Variants in UBAP2 observed in about 807,000 individuals in gnomAD.
The protein encoded by UBAP2 is ubiquitin-associated protein 2.
Under a neutral mutation model 139.6 loss-of-function variants are expected in UBAP2, and 75 were observed. The observed-to-expected ratio is 0.54, with a 90% confidence interval of 0.45 to 0.65. The LOEUF (loss-of-function observed/expected upper bound fraction) is 0.65, where lower values mean the gene tolerates loss of function less well. Ranked by LOEUF, UBAP2 falls within the 30% of genes least tolerant of loss-of-function variation. The pLI, the probability that UBAP2 is intolerant of heterozygous loss-of-function variation, is 0.00. For synonymous variants in UBAP2, 526 were observed against 526.2 expected, an observed-to-expected ratio of 1.00 and a Z score of 0.01; for missense variants, 1,368 against 1,369.6, an observed-to-expected ratio of 1.00 and a Z score of 0.02.
Position 33,923,243 on chromosome 9 carries a change from C to CA in UBAP2, c.2946dup (p.Gly983TrpfsTer32). 1 of 1,614,212 alleles carries CA rather than the reference C, an allele frequency of 6.2e-7. No homozygotes were observed. Among genetic ancestry groups the CA allele is most frequent in the Non-Finnish European group, 8.5e-7 (1 of 1,180,038 alleles). ...GGTGCCTGCGATGATCCAGCATAGC[C>CA]ACCTTTGGAGTAGTCTCCTGCTGCT... On this transcript the variant is annotated frameshift_variant, in exon 26 of 29. Transcript: ENST00000379238. LOFTEE classifies it high-confidence loss of function.
rs144897960 is a variant in UBAP2, at chr9:33,972,519, G to T, written c.575+664C>A. Among the ~76,000 whole-genome samples, 213 of 152,306 alleles carry T rather than the reference G, an allele frequency of 1.4e-3. 2 individuals carry two copies. Among genetic ancestry groups the T allele is most frequent in the South Asian group, 0.013 (61 of 4,826 alleles). On this transcript the variant is annotated intron_variant, in intron 7 of 28. Coordinates refer to ENST00000379238, the MANE Select transcript of UBAP2 (RefSeq NM_001370062.2). ...ACACCAAGAGTGCTGCCTGAAGTTA[G>T]AGAGAGACAAAGGGCTTTTCTTGGA...
intron 3 of UBAP2, chr9:33,997,146 T>C (rs1478016994): frequency 6.6e-6 from 1 of 152,194 alleles, no homozygotes; most frequent in Admixed American, 6.5e-5. Flanking sequence ...CTCCTAGACA[T>C]ATTTTCTCAA....
chr9:34,033,642 A>C (rs754847455), intron 1 of UBAP2, among the ~76,000 whole-genome samples: 1 of 151,872 alleles, frequency 6.6e-6, no homozygotes, highest in Non-Finnish European at 1.5e-5. Context: ...CAGTGGTGCA[A>C]TCTCGGTTCC....
intron 1 of UBAP2, among the ~76,000 whole-genome samples, chr9:34,022,618 T>C (rs1825060109): frequency 6.6e-6 from 1 of 151,702 alleles, no homozygotes; most frequent in Admixed American, 6.6e-5. Flanking sequence ...TTTGTATTTT[T>C]AGTAGAGATG....
In UBAP2 at chr9:33,943,400, C is replaced by T. The variant is rs1481373705; in HGVS notation, c.1715+20G>A. The stretch of plus-strand genomic sequence containing the variant: ...TCTTAGGGTCTATTTTGCTTCATAA[C>T]AAAGGACTAAATTCAGTACCTTAAA... On this transcript the variant is annotated intron_variant, in intron 15 of 28. Coordinates refer to ENST00000379238, the MANE Select transcript of UBAP2 (RefSeq NM_001370062.2). The T allele has an allele frequency of 2.5e-6, 4 of 1,612,272 alleles. No homozygotes were observed. Among genetic ancestry groups the T allele is most frequent in the Non-Finnish European group, 3.4e-6 (4 of 1,179,022 alleles).
At chr9:33,963,661 G>A in intron 9 of UBAP2, 65 bp downstream of exon 9, 1 of 956,192 alleles carries the variant, frequency 1.0e-6, no homozygotes, top group Non-Finnish European at 1.6e-6. Flanking sequence ...GATAAAAAAT[G>A]AAAGATATTG....
intron 1 of UBAP2, among the ~76,000 whole-genome samples, chr9:34,037,038 G>A (rs1366540198): frequency 6.9e-6 from 1 of 145,670 alleles, no homozygotes; most frequent in Non-Finnish European, 1.5e-5. Flanking sequence ...ACCCGGGCTG[G>A]AGTGCAGTGG....
intron 19 of UBAP2, among the ~76,000 whole-genome samples, chr9:33,930,154 AT>A (rs879709684): frequency 8.5e-5 from 13 of 152,362 alleles, no homozygotes; most frequent in Admixed American, 1.3e-4. Flanking sequence ...TATTAAGGAA[AT>A]ACAAATGTTT....
At position 33,923,280 on chromosome 9, in the gene UBAP2, C is replaced by T; in HGVS notation, c.2910G>A (p.Leu970=). 1.9e-6 allele frequency: 3 copies of T among 1,614,192 alleles called. No individual in the cohort carries two copies. The highest frequency in any genetic ancestry group is 1.6e-4 in the Middle Eastern group (1 of 6,062). The change falls in exon 26 of 29, where the codon CTG becomes CTA. Residue 970 remains leucine (L), a synonymous_variant. Transcript: ENST00000379238. The part of the protein sequence containing the change: ...QHGYSTGYDD[L]TQGTAAGDYS... ...AGTCTCCTGCTGCTGTCCCCTGGGT[C>T]AGGTCGTCATAACCTAGCGTGGCAG...
chr9:34,022,436 T>C (rs1235197487), intron 1 of UBAP2, among the ~76,000 whole-genome samples: 1 of 127,732 alleles, frequency 7.8e-6, no homozygotes, highest in African/African-American at 2.6e-5. Context: ...AAGACCCCTT[T>C]TTTTTTTTTT....
At chr9:33,996,100 T>G (rs543411844) in intron 4 of UBAP2, 123 bp downstream of exon 4, 18 of 679,050 alleles carry the variant, frequency 2.7e-5, no homozygotes, top group South Asian at 6.1e-5. Context: ...TTCTGGAACT[T>G]AAAACAAATA....
chr9:34,029,819 C>G (rs1825732979), intron 1 of UBAP2, among the ~76,000 whole-genome samples: 1 of 150,916 alleles, frequency 6.6e-6, no homozygotes, highest in Non-Finnish European at 1.5e-5. Context: ...GAAAACCCAT[C>G]TCTACTAAAA....
chr9:34,047,594 A>T (rs984662979), intron 1 of UBAP2, among the ~76,000 whole-genome samples: 3 of 152,256 alleles, frequency 2.0e-5, no homozygotes, highest in Non-Finnish European at 4.4e-5. Flanking sequence ...GTGCTGTCAC[A>T]ACGGAAGAGG....
At chr9:33,954,269 T>TATACACACACAC (rs370755129) in intron 11 of UBAP2, among the ~76,000 whole-genome samples, 13 of 139,810 alleles carry the variant, frequency 9.3e-5, no homozygotes, top group African/African-American at 3.2e-4. Flanking sequence ...TGTGTGTATA[T>TATACACACACAC]ACACACACAC....
intron 11 of UBAP2, among the ~76,000 whole-genome samples, chr9:33,954,388 C>A (rs546083557): frequency 3.0e-4 from 46 of 151,652 alleles, no homozygotes; most frequent in African/African-American, 1.0e-3. Context: ...CTTAAAACAC[C>A]CCCCAGACAG....
At chr9:34,044,895 T>C (rs1276721621) in intron 1 of UBAP2, among the ~76,000 whole-genome samples, 1 of 151,934 alleles carries the variant, frequency 6.6e-6, no homozygotes, top group Non-Finnish European at 1.5e-5. Flanking sequence ...ATGAAGAGTA[T>C]TACCTAGTCT....
intron 2 of UBAP2, among the ~76,000 whole-genome samples, chr9:34,015,866 CA>C (rs1425243604): frequency 2.0e-5 from 3 of 151,882 alleles, no homozygotes; most frequent in African/African-American, 7.3e-5. Flanking sequence ...ACAAGGTCCT[CA>C]CTATGTTGCC....
At chr9:33,999,598 T>C (rs1019314968) in intron 2 of UBAP2, among the ~76,000 whole-genome samples, 5 of 152,224 alleles carry the variant, frequency 3.3e-5, no homozygotes, top group African/African-American at 9.6e-5. Flanking sequence ...GGTTTCACTA[T>C]GTTGCCCAGG....
At chr9:33,952,557 C>T (rs1328631139) in intron 12 of UBAP2, among the ~76,000 whole-genome samples, 1 of 152,168 alleles carries the variant, frequency 6.6e-6, no homozygotes, top group Non-Finnish European at 1.5e-5. Flanking sequence ...CCTAGGCAGA[C>T]TCAGACTGTT....
Sources: gnomAD v4.1 joint callset for allele counts (sites outside exome capture counted in the v4.1 genomes callset) on GRCh38, gnomAD v4.1.1 for gene constraint, MANE v1.5 for transcripts, NCBI Gene and HGNC (gene_info 2026-07-23, HGNC 2026-07-21) for gene names.